Variants in PCDH15 observed in about 807,000 individuals in gnomAD.
PCDH15 encodes protocadherin related 15.
Under a neutral mutation model 178.5 loss-of-function variants are expected in PCDH15, and 129 were observed. That is an observed-to-expected ratio of 0.72 (90% CI 0.63 to 0.84). PCDH15 has a LOEUF of 0.84. Ranked by LOEUF, PCDH15 falls within the 40% of genes least tolerant of loss-of-function variation. PCDH15 has a pLI of 0.00. For missense variants in PCDH15, 2,230 were observed against 2,099.9 expected (o/e 1.06, Z -1.21); for synonymous variants, 800 against 732.0 (o/e 1.09, Z -1.50).
intron 2 of PCDH15, among the ~76,000 whole-genome samples, chr10:54,934,406 A>G (rs1454617369): frequency 6.6e-6 from 1 of 151,986 alleles, no homozygotes; most frequent in African/African-American, 2.4e-5. Flanking sequence ...TTTTTATTGA[A>G]CTCCCTGATT....
chr10:53,823,779 GC>G (rs1481165572), intron 32 of PCDH15: 4 of 456,866 alleles, frequency 8.8e-6, no homozygotes, highest in Middle Eastern at 6.5e-4. Context: ...AAGATTCTTA[GC>G]TGTATCTGAT....
intron 2 of PCDH15, among the ~76,000 whole-genome samples, chr10:54,536,402 A>G (rs1327197713): frequency 6.6e-6 from 1 of 151,994 alleles, no homozygotes; most frequent in Non-Finnish European, 1.5e-5. Flanking sequence ...TTAATATTTC[A>G]GTAGAAGTTT....
chr10:54,696,242 A>C (rs968338042), intron 1 of PCDH15, among the ~76,000 whole-genome samples: 2 of 152,116 alleles, frequency 1.3e-5, no homozygotes, highest in African/African-American at 4.8e-5. Context: ...CGAGAGGTTA[A>C]GACTTCAGTG....
chr10:54,527,920 G>T (rs1347849111), intron 2 of PCDH15, 43 bp from the exon 3 acceptor site: 2 of 1,501,498 alleles, frequency 1.3e-6, no homozygotes, highest in Non-Finnish European at 1.9e-6. Context: ...GACTGCAGGG[G>T]CACACACAAT....
chr10:54,914,924 G>C (rs546314666), intron 2 of PCDH15, among the ~76,000 whole-genome samples: 2 of 152,330 alleles, frequency 1.3e-5, no homozygotes, highest in South Asian at 2.1e-4. Flanking sequence ...TCTCATGGCA[G>C]AGCAGAAAAA....
At chr10:54,004,426 C>A (rs1196994676) in intron 20 of PCDH15, among the ~76,000 whole-genome samples, 1 of 96,830 alleles carries the variant, frequency 1.0e-5, no homozygotes, top group Non-Finnish European at 2.9e-5. Flanking sequence ...CACACACACA[C>A]CACACAAAGT....
chr10:54,512,618 C>T (rs889047092), intron 3 of PCDH15, among the ~76,000 whole-genome samples: 1 of 151,958 alleles, frequency 6.6e-6, no homozygotes, highest in African/African-American at 2.4e-5. Flanking sequence ...ACTGCAAACT[C>T]ACATAACATA....
At chr10:55,463,021 T>C (rs1035194737) in intron 2 of PCDH15, among the ~76,000 whole-genome samples, 2 of 151,696 alleles carry the variant, frequency 1.3e-5, no homozygotes, top group Admixed American at 6.6e-5. Flanking sequence ...TTAATCTCTT[T>C]GTATGTGAAC....
At chr10:54,304,046 T>C (rs1477035503) in intron 8 of PCDH15, among the ~76,000 whole-genome samples, 1 of 152,126 alleles carries the variant, frequency 6.6e-6, no homozygotes, top group Admixed American at 6.6e-5. Flanking sequence ...TAGAGGTTTT[T>C]GGATGTTTAT....
intron 2 of PCDH15, among the ~76,000 whole-genome samples, chr10:54,910,737 G>A (rs1253441309): frequency 6.6e-6 from 1 of 152,074 alleles, no homozygotes; most frequent in African/African-American, 2.4e-5. Context: ...ATAGGTTTTT[G>A]TTAAATTTTC....
chr10:53,944,279 TG>T (rs1160506698), intron 23 of PCDH15, among the ~76,000 whole-genome samples: 2 of 152,214 alleles, frequency 1.3e-5, no homozygotes, highest in African/African-American at 2.4e-5. Context: ...ATTTGATCTA[TG>T]GGCTGTCAGT....
chr10:54,840,746 TATAAA>T (rs1220742507), intron 3 of PCDH15, among the ~76,000 whole-genome samples: 1 of 151,870 alleles, frequency 6.6e-6, no homozygotes, highest in Non-Finnish European at 1.5e-5. Flanking sequence ...AAGGATAGTC[TATAAA>T]ATAGTAACCA....
intron 1 of PCDH15, among the ~76,000 whole-genome samples, chr10:54,737,368 TACA>T (rs1944255855): frequency 6.6e-6 from 1 of 152,110 alleles, no homozygotes; most frequent in Non-Finnish European, 1.5e-5. Context: ...AAATGGTGTA[TACA>T]TCAATTATTA....
intron 2 of PCDH15, among the ~76,000 whole-genome samples, chr10:54,540,628 G>A (rs936600945): frequency 5.9e-5 from 9 of 151,818 alleles, no homozygotes; most frequent in African/African-American, 9.7e-5. Context: ...AAAATATCAA[G>A]GAGGAGAGAC....
rs2060572014 is a variant in PCDH15, at chr10:54,307,094, GTGTGTGTGTGTATATA to G, written c.876+10161_876+10176del. ...TATATATATATACATATATATATAT[GTGTGTGTGTGTATATA>G]TATATATATATATATATATATATAT... is the stretch of plus-strand genomic sequence containing the variant. On this transcript the variant is annotated intron_variant, in intron 8 of 37. Coordinates refer to ENST00000644397, the MANE Select transcript of PCDH15 (RefSeq NM_001384140.1). Among the ~76,000 whole-genome samples, 10 of 8,180 alleles carry G rather than the reference GTGTGTGTGTGTATATA, an allele frequency of 1.2e-3. 1 individual carries two copies. The highest frequency in any genetic ancestry group is 5.0e-3 in the African/African-American group (10 of 2,000). The allele number at this position is 8,180 out of a possible 152,430, so 5.4% of individuals were successfully genotyped here.
At chr10:54,761,186 C>A (rs74136275) in intron 1 of PCDH15, among the ~76,000 whole-genome samples, 11,594 of 152,036 alleles carry the variant, frequency 0.076, 1,478 homozygotes, top group African/African-American at 0.26. Flanking sequence ...ACACTCCTTG[C>A]CTTTCTGCCT....
At chr10:55,416,976 A>G (rs1838498436) in intron 2 of PCDH15, among the ~76,000 whole-genome samples, 1 of 151,812 alleles carries the variant, frequency 6.6e-6, no homozygotes, top group African/African-American at 2.4e-5. Context: ...CTATAAAGAC[A>G]TATGAAAAGC....
At chr10:54,126,937 T>C (rs2042042147) in intron 15 of PCDH15, among the ~76,000 whole-genome samples, 1 of 152,184 alleles carries the variant, frequency 6.6e-6, no homozygotes, top group Non-Finnish European at 1.5e-5. Flanking sequence ...TCTCAAAACA[T>C]AGGCCATTTA....
intron 1 of PCDH15, among the ~76,000 whole-genome samples, chr10:54,683,376 A>G (rs1179663017): frequency 6.6e-6 from 1 of 151,956 alleles, no homozygotes; most frequent in African/African-American, 2.4e-5. Flanking sequence ...GGTAACCATT[A>G]TTCTATGTTA....
Sources: gnomAD v4.1 joint callset for allele counts (sites outside exome capture counted in the v4.1 genomes callset) on GRCh38, gnomAD v4.1.1 for gene constraint, MANE v1.5 for transcripts, NCBI Gene and HGNC (gene_info 2026-07-23, HGNC 2026-07-21) for gene names.